Variants in RPH3A observed in about 807,000 individuals in gnomAD.
RPH3A encodes the protein rabphilin 3A.
Under a neutral mutation model 102.2 loss-of-function variants are expected in RPH3A, and 48 were observed. The ratio of observed to expected loss-of-function variants is 0.47; its 90% CI spans 0.37 to 0.60. RPH3A has a LOEUF of 0.60. RPH3A is among the 20% of genes least tolerant of loss of function. RPH3A has a pLI of 0.00. For synonymous variants in RPH3A, 310 were observed against 324.3 expected (o/e 0.96, Z 0.47); for missense variants, 781 against 910.1 (o/e 0.86, Z 1.83).
chr12:112,810,915 T>C (rs1469117041), intron 2 of RPH3A, among the ~76,000 whole-genome samples: 2 of 152,060 alleles, frequency 1.3e-5, no homozygotes, highest in Non-Finnish European at 2.9e-5. Context: ...TATAATACAT[T>C]ATACTATGTT....
chr12:112,630,445 TG>T (rs1363083232), intron 1 of RPH3A, among the ~76,000 whole-genome samples: 2 of 152,068 alleles, frequency 1.3e-5, no homozygotes, highest in Non-Finnish European at 2.9e-5. Flanking sequence ...CCTGATGCCG[TG>T]GGGGAACTCT....
chr12:112,875,320 G>T, intron 11 of RPH3A, 150 bp downstream of exon 11: 1 of 661,820 alleles, frequency 1.5e-6, no homozygotes, highest in Non-Finnish European at 2.5e-6. Flanking sequence ...CTTACAACCA[G>T]TAATTCCCTG....
intron 1 of RPH3A, among the ~76,000 whole-genome samples, chr12:112,611,101 A>G (rs571517860): frequency 4.5e-4 from 68 of 152,342 alleles, no homozygotes; most frequent in African/African-American, 1.6e-3. Flanking sequence ...CCCTTGTTCA[A>G]TGAATGAACC....
At chr12:112,878,841 GAT>G (rs2042854550) in intron 13 of RPH3A, among the ~76,000 whole-genome samples, 1 of 152,238 alleles carries the variant, frequency 6.6e-6, no homozygotes, top group African/African-American at 2.4e-5. Flanking sequence ...CAGTCAACAA[GAT>G]AATCCCAGCT....
intron 1 of RPH3A, among the ~76,000 whole-genome samples, chr12:112,612,987 C>T (rs1173249014): frequency 2.0e-5 from 3 of 151,982 alleles, no homozygotes; most frequent in South Asian, 4.2e-4. Context: ...TCTACCTTTC[C>T]GATAATAATG....
At chr12:112,706,565 T>G (rs1042325154) in intron 1 of RPH3A, among the ~76,000 whole-genome samples, 2 of 152,146 alleles carry the variant, frequency 1.3e-5, no homozygotes, top group Non-Finnish European at 2.9e-5. Flanking sequence ...CTTCAACAAA[T>G]GAGAATGGCT....
intron 3 of RPH3A, 141 bp downstream of exon 3, chr12:112,828,530 A>G: frequency 1.6e-6 from 1 of 629,114 alleles, no homozygotes; most frequent in Non-Finnish European, 2.8e-6. Flanking sequence ...TCATGAAAAC[A>G]TCTCCCCTAG....
At chr12:112,638,714 C>A (rs2039865130) in intron 1 of RPH3A, among the ~76,000 whole-genome samples, 1 of 152,118 alleles carries the variant, frequency 6.6e-6, no homozygotes, top group African/African-American at 2.4e-5. Flanking sequence ...ATTTTTTATA[C>A]CATCTCTCAC....
intron 1 of RPH3A, among the ~76,000 whole-genome samples, chr12:112,785,091 G>A (rs752311341): frequency 3.3e-5 from 5 of 152,130 alleles, no homozygotes; most frequent in Non-Finnish European, 5.9e-5. Flanking sequence ...GCATGGTGGT[G>A]CATGCCTCTA....
At chr12:112,667,473 A>AC (rs2040091775) in intron 1 of RPH3A, among the ~76,000 whole-genome samples, 1 of 151,416 alleles carries the variant, frequency 6.6e-6, no homozygotes, top group African/African-American at 2.4e-5. Flanking sequence ...GTAATTTGTG[A>AC]TTTTTTTTTC....
intron 1 of RPH3A, among the ~76,000 whole-genome samples, chr12:112,725,534 C>T: frequency 6.6e-6 from 1 of 152,082 alleles, no homozygotes; most frequent in East Asian, 1.9e-4. Flanking sequence ...TTCATCTTTG[C>T]TCTAGTAACA....
rs2040184051 is a variant in RPH3A, at chr12:112,677,364, TCCC to T, written c.-140+102046_-140+102048del. Reference sequence around the variant, plus strand: ...CTCCTTCCCTTCCTCCCTCCCTCCCTCCCTCCTTCCCTTCCTCCCTCCCTCCCT... The same window carrying T: ...CTCCTTCCCTTCCTCCCTCCCTCCCTTCCTTCCCTTCCTCCCTCCCTCCCT... On this transcript the variant is annotated intron_variant, in intron 1 of 21. Coordinates refer to the RPH3A transcript ENST00000543106. 1.4e-4 allele frequency among the ~76,000 whole-genome samples: 3 copies of T among 21,418 alleles called. No individual in the cohort carries two copies. The East Asian group carries it at 6.1e-3, about 44-fold the overall frequency. The allele number at this position is 21,418 out of a possible 152,430, so 14.1% of individuals were successfully genotyped here. A position where few individuals can be genotyped will look rare whatever the true frequency, so the allele number is the denominator to read the frequency against.
At chr12:112,606,609 G>T (rs1160081261) in intron 1 of RPH3A, among the ~76,000 whole-genome samples, 1 of 152,110 alleles carries the variant, frequency 6.6e-6, no homozygotes, top group African/African-American at 2.4e-5. Flanking sequence ...TTGAACTCCT[G>T]ACCTCAAGTG....
At chr12:112,892,558 CT>C (rs769862853) in intron 19 of RPH3A, among the ~76,000 whole-genome samples, 1 of 152,182 alleles carries the variant, frequency 6.6e-6, no homozygotes, top group Non-Finnish European at 1.5e-5. Flanking sequence ...CCTAGTGTCC[CT>C]GCTAGCGTCA....
At chr12:112,850,619 G>A (rs758008092) in intron 5 of RPH3A, among the ~76,000 whole-genome samples, 3 of 152,222 alleles carry the variant, frequency 2.0e-5, no homozygotes, top group Non-Finnish European at 4.4e-5. Context: ...CTTGCTGGTA[G>A]CATCGCCAGA....
chr12:112,858,552 A>G (rs907665217), intron 5 of RPH3A, among the ~76,000 whole-genome samples: 2 of 152,218 alleles, frequency 1.3e-5, no homozygotes, highest in African/African-American at 4.8e-5. Context: ...GTGAGTTCTC[A>G]TAGCTGCTCA....
chr12:112,721,046 C>T (rs75059567), intron 1 of RPH3A, among the ~76,000 whole-genome samples: 5,797 of 152,258 alleles, frequency 0.038, 250 homozygotes, highest in South Asian at 0.18. Flanking sequence ...TCTCATCCAT[C>T]TGACAAATAG....
chr12:112,890,760 C>G, intron 18 of RPH3A, 89 bp from the exon 19 acceptor site: 1 of 1,431,612 alleles, frequency 7.0e-7, no homozygotes, highest in South Asian at 1.3e-5. Context: ...GCTTCGCCTG[C>G]CCTTCATAGG....
chr12:112,849,287 G>A (rs1397659763), intron 5 of RPH3A, among the ~76,000 whole-genome samples: 1 of 152,186 alleles, frequency 6.6e-6, no homozygotes, highest in African/African-American at 2.4e-5. Context: ...TTGGCCCTCT[G>A]TCAGCCTCCT....
Sources: gnomAD v4.1 joint callset for allele counts (sites outside exome capture counted in the v4.1 genomes callset) on GRCh38, gnomAD v4.1.1 for gene constraint, MANE v1.5 for transcripts, NCBI Gene and HGNC (gene_info 2026-07-23, HGNC 2026-07-21) for gene names.